Variants in DNAJB1 observed in about 807,000 individuals in gnomAD.
DNAJB1 encodes the protein dnaJ homolog subfamily B member 1.
A neutral mutation model predicts 24.0 loss-of-function variants in DNAJB1; 14 were observed. The observed-to-expected ratio is 0.58, with a 90% confidence interval of 0.39 to 0.91. DNAJB1 has a LOEUF of 0.91. Ranked by LOEUF, DNAJB1 falls within the 40% of genes least tolerant of loss-of-function variation. The pLI, the probability that DNAJB1 is intolerant of heterozygous loss-of-function variation, is 0.00. For missense variants in DNAJB1, 517 were observed against 458.1 expected, an observed-to-expected ratio of 1.13 and a Z score of -1.17; for synonymous variants, 262 against 174.4, an observed-to-expected ratio of 1.50 and a Z score of -3.96.
intron 1 of DNAJB1, among the ~76,000 whole-genome samples, chr19:14,528,473 C>T (rs1292991861): frequency 1.3e-5 from 2 of 150,674 alleles, no homozygotes; most frequent in Non-Finnish European, 3.0e-5. Flanking sequence ...CTCCTCACCT[C>T]GTGATCTGCC....
chr19:14,547,501 C>T (rs2073345617), intron 1 of DNAJB1, among the ~76,000 whole-genome samples: 1 of 152,118 alleles, frequency 6.6e-6, no homozygotes, highest in Admixed American at 6.6e-5. Context: ...GCTGGGACTA[C>T]AGGCATGTGC....
At chr19:14,517,918 C>T (rs1048120302) in intron 1 of DNAJB1, 21 of 442,354 alleles carry the variant, frequency 4.7e-5, no homozygotes, top group African/African-American at 1.0e-4. Context: ...GGGGCAGCCC[C>T]AGACATGCTA....
chr19:14,537,239 C>T (rs112286489), intron 1 of DNAJB1, among the ~76,000 whole-genome samples: 23 of 51,146 alleles, frequency 4.5e-4, no homozygotes, highest in African/African-American at 1.8e-3. Context: ...AAGAAGGAAG[C>T]GGCGGGCCTG....
chr19:14,539,991 T>A (rs1310635193), intron 1 of DNAJB1, among the ~76,000 whole-genome samples: 1 of 151,870 alleles, frequency 6.6e-6, no homozygotes, highest in Non-Finnish European at 1.5e-5. Context: ...GTGATTCTCC[T>A]GCCTCAGCCT....
intron 1 of DNAJB1, among the ~76,000 whole-genome samples, chr19:14,544,922 C>T (rs1481727790): frequency 6.6e-6 from 1 of 152,092 alleles, no homozygotes; most frequent in Non-Finnish European, 1.5e-5. Flanking sequence ...CAAGAGCCAC[C>T]ATGCCCAGCA....
At position 14,537,952 on chromosome 19, in the gene DNAJB1, GC is replaced by G. The variant is rs536199383; in HGVS notation, c.-213-10143del. 2.0e-3 allele frequency among the ~76,000 whole-genome samples: 305 copies of G among 152,164 alleles called. 1 individual carries two copies. The highest frequency in any genetic ancestry group is 3.4e-3 in the Non-Finnish European group (232 of 68,000). ...GTAGAGATGGGGTTTCACCATGTTG[GC>G]CAGGCTGGTCTGAAACTCTTGACCT... On this transcript the variant is annotated intron_variant, in intron 1 of 3. Transcript: ENST00000676982.
chr19:14,551,334 C>T (rs2073497023), upstream of DNAJB1, among the ~76,000 whole-genome samples: 1 of 152,126 alleles, frequency 6.6e-6, no homozygotes. Flanking sequence ...CTCGGCCTCC[C>T]AGAGTACTGG....
upstream of DNAJB1, among the ~76,000 whole-genome samples, chr19:14,554,254 G>A (rs1398494259): frequency 1.3e-5 from 2 of 152,288 alleles, no homozygotes; most frequent in Admixed American, 6.5e-5. Flanking sequence ...TTCCAGCCCC[G>A]GGCAGGGAAC....
chr19:14,554,836 T>C (rs1388477923), upstream of DNAJB1, among the ~76,000 whole-genome samples: 2 of 152,044 alleles, frequency 1.3e-5, no homozygotes, highest in Admixed American at 1.3e-4. Flanking sequence ...TGGAGTGCAG[T>C]GGCCTGACCT....
chr19:14,558,656 G>A (rs1242140175), intron 1 of DNAJB1, among the ~76,000 whole-genome samples: 2 of 152,148 alleles, frequency 1.3e-5, no homozygotes, highest in African/African-American at 4.8e-5. Context: ...TCGTGCCTGA[G>A]GCTATGTGGT....
chr19:14,539,675 A>G (rs2073029114), intron 1 of DNAJB1, among the ~76,000 whole-genome samples: 1 of 151,948 alleles, frequency 6.6e-6, no homozygotes, highest in Admixed American at 6.6e-5. Context: ...TTCCTGCCCT[A>G]AGCACATGCT....
chr19:14,558,635 C>G (rs1183898513), intron 1 of DNAJB1, among the ~76,000 whole-genome samples: 2 of 152,176 alleles, frequency 1.3e-5, no homozygotes, highest in Non-Finnish European at 2.9e-5. Context: ...TTCCTGCCCT[C>G]TCCCTGCCCG....
upstream of DNAJB1, among the ~76,000 whole-genome samples, chr19:14,553,732 C>T (rs2073620016): frequency 6.6e-6 from 1 of 152,100 alleles, no homozygotes; most frequent in African/African-American, 2.4e-5. Flanking sequence ...GCGAGGTGGC[C>T]GGCGTGGCTC....
intron 1 of DNAJB1, among the ~76,000 whole-genome samples, chr19:14,535,948 A>G (rs1222569616): frequency 1.3e-5 from 2 of 151,884 alleles, no homozygotes; most frequent in Non-Finnish European, 2.9e-5. Flanking sequence ...CTCCTGGTGG[A>G]GTCCCTTCTG....
intron 1 of DNAJB1, among the ~76,000 whole-genome samples, chr19:14,559,107 C>G (rs2073830711): frequency 6.6e-6 from 1 of 152,138 alleles, no homozygotes; most frequent in African/African-American, 2.4e-5. Flanking sequence ...CCTGCTCCTC[C>G]CACCCGACTG....
chr19:14,528,139 C>G (rs1412877914), intron 1 of DNAJB1, among the ~76,000 whole-genome samples: 5 of 152,096 alleles, frequency 3.3e-5, no homozygotes, highest in Non-Finnish European at 7.4e-5. Context: ...CTGTCTTGGC[C>G]TCCCGAAGTG....
chr19:14,518,453 G>A (rs1402209398), upstream of DNAJB1: 5 of 971,020 alleles, frequency 5.1e-6, no homozygotes, highest in Non-Finnish European at 6.8e-6. Flanking sequence ...TCCAGAGCCC[G>A]CCAGCCCCCT....
upstream of DNAJB1, chr19:14,533,873 C>T (rs2072763954): frequency 6.6e-6 from 1 of 152,098 alleles, no homozygotes; most frequent in South Asian, 2.1e-4. Flanking sequence ...ACTGCTTATC[C>T]TAGGATACAG....
rs778946514 is a variant in DNAJB1 at position 14,516,974 on chromosome 19, T to C, written c.284A>G (p.His95Arg). Residue 95 changes from histidine to arginine, a missense_variant, in exon 2 of 3, where the codon CAT becomes CGT. Transcript: ENST00000254322. ...ANGTSFSYTFHGDPHAMFAEF... is the reference protein window; with the variant it reads ...ANGTSFSYTFRGDPHAMFAEF... ...AGCAAACATGGCATGAGGGTCTCCA[T>C]GGAATGTGTAGCTGAAAGAGGTACC... The C allele has an allele frequency of 1.4e-5, 23 of 1,612,786 alleles. No individual in the cohort carries two copies. Among genetic ancestry groups the C allele is most frequent in the African/African-American group, 5.3e-5 (4 of 74,882 alleles).
Sources: allele counts gnomAD v4.1 joint callset (sites outside exome capture counted in the v4.1 genomes callset), GRCh38; gene constraint gnomAD v4.1.1; transcripts MANE v1.5; gene names NCBI Gene and HGNC (gene_info 2026-07-23, HGNC 2026-07-21).